Variants in DLG3 observed in about 807,000 individuals in gnomAD.
DLG3 encodes discs large MAGUK scaffold protein 3, also known as disks large homolog 3.
Under a neutral mutation model 64.1 loss-of-function variants are expected in DLG3, and 1 was observed. The ratio of observed to expected loss-of-function variants is 0.02; its 90% CI spans 0.01 to 0.07. DLG3 has a LOEUF of 0.07. Ranked by LOEUF, DLG3 falls within the 10% of genes least tolerant of loss-of-function variation. The probability of loss-of-function intolerance (pLI) is 1.00; values close to 1 mark genes in which losing one functional copy is unlikely to be tolerated. For synonymous variants in DLG3, 245 were observed against 259.8 expected, an observed-to-expected ratio of 0.94 and a Z score of 0.55; for missense variants, 429 against 669.5, an observed-to-expected ratio of 0.64 and a Z score of 3.96.
At chrX:70,453,511 G>A (rs1036737634) in intron 7 of DLG3, 126 bp from the exon 8 acceptor site, 25 of 1,011,205 alleles carry the variant, frequency 2.5e-5, no homozygotes, top group Non-Finnish European at 3.3e-5. Flanking sequence ...GGAGGCTCAG[G>A]GTATCATACA....
chrX:70,477,984 G>A (rs1325436010), intron 9 of DLG3, among the ~76,000 whole-genome samples: 2 of 111,553 alleles, frequency 1.8e-5, no homozygotes, highest in Admixed American at 9.5e-5. Flanking sequence ...TATGGTGCAC[G>A]AAATTGCTTT....
At chrX:70,451,010 A>C in intron 6 of DLG3, 1 of 440,064 alleles carries the variant, frequency 2.3e-6, no homozygotes, top group Non-Finnish European at 3.9e-6. Flanking sequence ...ATTTTTGACA[A>C]TTTCTATGGA....
chrX:70,445,523 G>C lies in DLG3; in HGVS notation c.322G>C (p.Glu108Gln), dbSNP rs765875488. The part of the protein sequence containing the change: ...LNGSGPSWWP[E>Q]CTCTNRDWYE... ...CGGCAGCGGCCCCAGCTGGTGGCCA[G>C]AGTGCACCTGTACCAACCGGGACTG... Residue 108 changes from glutamate to glutamine, a missense_variant, in exon 1 of 19, where the codon GAG becomes CAG. This residue lies in a region of DLG3 where 123 missense variants were observed against 113.3 expected (regional missense o/e 1.09). Transcript: ENST00000374360. The C allele has an allele frequency of 1.5e-5, 18 of 1,186,731 alleles. No individual in the cohort carries two copies. The highest frequency in any genetic ancestry group is 2.0e-5 in the Non-Finnish European group (18 of 883,521).
chrX:70,453,606 A>T, intron 7 of DLG3, 31 bp from the exon 8 acceptor site: 1 of 1,204,411 alleles, frequency 8.3e-7, no homozygotes, highest in Non-Finnish European at 1.1e-6. Flanking sequence ...ATATCTACCT[A>T]GTCCTGACTC....
At chrX:70,501,978 C>T (rs1267198063) in intron 18 of DLG3, among the ~76,000 whole-genome samples, 185 bp from the exon 19 acceptor site, 1 of 110,778 alleles carries the variant, frequency 9.0e-6, no homozygotes, top group Non-Finnish European at 1.9e-5. Context: ...CCTTACTGCC[C>T]TGAACACACA....
At position 70,471,857 on chromosome X, in the gene DLG3, A is replaced by G. The variant is rs142658951; in HGVS notation, c.1406-7293A>G. Among the ~76,000 whole-genome samples, 6 of 110,783 alleles carry G rather than the reference A, an allele frequency of 5.4e-5. No homozygotes were observed. In the East Asian group the frequency reaches 1.7e-3, roughly 31 times the overall value. ...TATACTATGTCAGGCCTTTATAATTATTGTCTGTAGTAGTAGAGCAGCTTC... is the reference window on the plus strand; with the variant it reads ...TATACTATGTCAGGCCTTTATAATTGTTGTCTGTAGTAGTAGAGCAGCTTC... On this transcript the variant is annotated intron_variant, in intron 9 of 18. Transcript: ENST00000374360.
intron 10 of DLG3, among the ~76,000 whole-genome samples, chrX:70,483,798 C>T (rs981712343): frequency 8.9e-6 from 1 of 112,191 alleles, no homozygotes; most frequent in Non-Finnish European, 1.9e-5. Flanking sequence ...TTGGAAGGAC[C>T]TTCCTCACAC....
intron 13 of DLG3, among the ~76,000 whole-genome samples, chrX:70,498,258 G>T (rs1272231100): frequency 8.9e-6 from 1 of 112,684 alleles, no homozygotes; most frequent in Non-Finnish European, 1.9e-5. Context: ...AAATTGGGGT[G>T]GTTTGGGGTG....
At chrX:70,477,532 C>T (rs996604218) in intron 9 of DLG3, among the ~76,000 whole-genome samples, 1 of 111,620 alleles carries the variant, frequency 9.0e-6, no homozygotes, top group Non-Finnish European at 1.9e-5. Context: ...TGGGGCACCT[C>T]ATTGATATTG....
intron 8 of DLG3, 22 bp downstream of exon 8, chrX:70,453,815 G>A (rs767689822): frequency 8.6e-7 from 1 of 1,156,115 alleles, no homozygotes; most frequent in South Asian, 2.0e-5. Flanking sequence ...AAGGAGAGGT[G>A]GGAGGATGGG....
At chrX:70,489,616 T>TA (rs1353786689) in intron 10 of DLG3, among the ~76,000 whole-genome samples, 1 of 111,988 alleles carries the variant, frequency 8.9e-6, no homozygotes, top group East Asian at 2.8e-4. Context: ...AGTAAACTGT[T>TA]ACATCAATTT....
At chrX:70,496,333 A>G (rs940279874) in intron 13 of DLG3, among the ~76,000 whole-genome samples, 2 of 112,564 alleles carry the variant, frequency 1.8e-5, no homozygotes, top group African/African-American at 6.5e-5. Context: ...GGTCTGGAAC[A>G]GTGTGGTCTT....
chrX:70,480,760 C>T (rs768465752), intron 10 of DLG3, among the ~76,000 whole-genome samples: 3 of 112,046 alleles, frequency 2.7e-5, no homozygotes, highest in East Asian at 2.8e-4. Flanking sequence ...CTCCAGTGTG[C>T]GTGGGAAGCT....
intron 9 of DLG3, among the ~76,000 whole-genome samples, chrX:70,457,284 G>A (rs768342681): frequency 6.3e-4 from 70 of 111,730 alleles, no homozygotes; most frequent in Non-Finnish European, 1.2e-3. Context: ...AATTAACAGA[G>A]GACAGACTAG....
At chrX:70,487,653 T>G (rs1373409234) in intron 10 of DLG3, among the ~76,000 whole-genome samples, 1 of 112,113 alleles carries the variant, frequency 8.9e-6, no homozygotes, top group Non-Finnish European at 1.9e-5. Context: ...TAAAGAAGAC[T>G]AAGTAGTTTT....
intron 7 of DLG3, chrX:70,452,305 G>C (rs1465647573): frequency 7.7e-6 from 8 of 1,036,704 alleles, no homozygotes; most frequent in Non-Finnish European, 8.6e-6. Flanking sequence ...GAGCGTTTAG[G>C]GGGCTGAGGA....
At chrX:70,480,571 C>G (rs770934142) in intron 10 of DLG3, among the ~76,000 whole-genome samples, 37 of 111,861 alleles carry the variant, frequency 3.3e-4, no homozygotes, top group Non-Finnish European at 5.3e-4. Context: ...TTCCAATTCC[C>G]CGGAAAGGAA....
chrX:70,445,606 G>C lies in DLG3; in HGVS notation c.357+48G>C, dbSNP rs912213683. On this transcript the variant is annotated intron_variant, in intron 1 of 18. Coordinates refer to ENST00000374360, the MANE Select transcript of DLG3 (RefSeq NM_021120.4). Reference sequence around the variant, plus strand: ...GCGGTGGGGCAACCCAGGAGGGCTGGAGAGTGGGGGCCTAGAGGCCTGGGA... The same window carrying C: ...GCGGTGGGGCAACCCAGGAGGGCTGCAGAGTGGGGGCCTAGAGGCCTGGGA... The C allele has an allele frequency of 8.1e-6, 9 of 1,106,391 alleles. No individual in the cohort carries two copies. In the African/African-American group the frequency reaches 1.3e-4, roughly 16 times the overall value. The allele number at this position is 1,106,391 out of a possible 1,213,427, so 91.2% of individuals were successfully genotyped here.
rs2087370952 is a variant in DLG3 at position 70,492,191 on chromosome X, C to T, written c.1605C>T (p.Val535=). ...LSFSYGDILH[V]INASDDEWWQ... Reference sequence around the variant, plus strand: ...TCTCTTATGGTGACATTCTGCATGTCATTAATGCCTCTGATGATGAGTGGT... The same window carrying T: ...TCTCTTATGGTGACATTCTGCATGTTATTAATGCCTCTGATGATGAGTGGT... The change falls in exon 11 of 19, where the codon GTC becomes GTT. Residue 535 remains valine, a synonymous_variant. Transcript: ENST00000374360. 2 of 1,208,770 alleles carry T rather than the reference C, an allele frequency of 1.7e-6. No individual in the cohort carries two copies. Among genetic ancestry groups the T allele is most frequent in the African/African-American group, 3.5e-5 (2 of 57,071 alleles).
Sources: allele counts gnomAD v4.1 joint callset (sites outside exome capture counted in the v4.1 genomes callset), GRCh38; gene constraint gnomAD v4.1.1; regional missense constraint gnomAD v4.1.1; transcripts MANE v1.5; gene names NCBI Gene and HGNC (gene_info 2026-07-23, HGNC 2026-07-21).